CREG2: variants seen among roughly 807,000 people sequenced by gnomAD.
CREG2 encodes protein CREG2.
In CREG2, 24 loss-of-function variants were observed where a neutral mutation model predicts 26.2. The observed-to-expected ratio is 0.92, with a 90% CI of 0.66 to 1.29. CREG2 has a LOEUF of 1.29. Among genes scored for constraint, CREG2 ranks in the 50% most tolerant of loss-of-function variants. The pLI is 0.00. For synonymous variants in CREG2, 174 were observed against 169.2 expected, an observed-to-expected ratio of 1.03 and a Z score of -0.22; for missense variants, 366 against 398.6, an observed-to-expected ratio of 0.92 and a Z score of 0.70.
At chr2:101,371,919 G>A (rs149758470) in intron 2 of CREG2, among the ~76,000 whole-genome samples, 11 of 152,226 alleles carry the variant, frequency 7.2e-5, no homozygotes, top group African/African-American at 1.9e-4. Flanking sequence ...ACTCTAGTCC[G>A]TAGGACTAGA....
At chr2:101,367,793 T>TAGGAGGTGGGATGAGCAGC (rs1357428810) in intron 2 of CREG2, among the ~76,000 whole-genome samples, 3 of 152,180 alleles carry the variant, frequency 2.0e-5, no homozygotes, top group African/African-American at 4.8e-5. Context: ...AAGTGAGCAG[T>TAGGAGGTGGGATGAGCAGC]AGGAGGTGGG....
chr2:101,383,477 A>G (rs936439453), intron 2 of CREG2, 56 bp downstream of exon 2: 11 of 1,574,232 alleles, frequency 7.0e-6, no homozygotes, highest in African/African-American at 6.8e-5. Context: ...CCCACCCCCA[A>G]CTCTCTGTCA....
chr2:101,349,323 CAAAT>C lies in CREG2; in HGVS notation c.*1596_*1599del, dbSNP rs1307785810. On this transcript the variant is annotated 3_prime_UTR_variant, in exon 4 of 4. Transcript: ENST00000324768. ...AACTCTTTTGAGGACTGGCTTATGA[CAAAT>C]AAAGAATTCTCTGCATCTTACTATG... is the stretch of plus-strand genomic sequence containing the variant. The C allele has an allele frequency of 6.6e-6, 1 of 152,468 alleles. No homozygotes were observed. The highest frequency in any genetic ancestry group is 2.4e-5 in the African/African-American group (1 of 41,406). 9.4% of individuals were successfully genotyped at this position (152,468 alleles called of 1,614,324 possible). A position where few individuals can be genotyped will look rare whatever the true frequency, so the allele number is the denominator to read the frequency against.
chr2:101,369,909 A>G (rs1214662410), intron 2 of CREG2, among the ~76,000 whole-genome samples: 1 of 152,182 alleles, frequency 6.6e-6, no homozygotes, highest in Admixed American at 6.5e-5. Flanking sequence ...GAACAATTCA[A>G]ATCAACTTAA....
chr2:101,361,553 A>G (rs1223712678), intron 2 of CREG2, among the ~76,000 whole-genome samples: 1 of 152,212 alleles, frequency 6.6e-6, no homozygotes, highest in African/African-American at 2.4e-5. Flanking sequence ...AGGTCAGGAA[A>G]CAGACTCTGC....
In CREG2 at chr2:101,350,708, CGTGAAGTATCTGT is replaced by C. The variant is rs1334290953; in HGVS notation, c.*202_*214del. On this transcript the variant is annotated 3_prime_UTR_variant, in exon 4 of 4. Coordinates refer to ENST00000324768, the MANE Select transcript of CREG2 (RefSeq NM_153836.4). Reference sequence around the variant, plus strand: ...AATACAATGGAATAAAGACTATCTACGTGAAGTATCTGTGTGAGTTGGAGATCTGCAAATGACC... The same window carrying C: ...AATACAATGGAATAAAGACTATCTACGTGAGTTGGAGATCTGCAAATGACC... 1.9e-6 allele frequency: 1 copy of C among 539,310 alleles called. No homozygotes were observed. Among genetic ancestry groups the C allele is most frequent in the African/African-American group, 1.9e-5 (1 of 52,862 alleles). 33.4% of individuals were successfully genotyped at this position (539,310 alleles called of 1,614,324 possible). A position where few individuals can be genotyped will look rare whatever the true frequency, so the allele number is the denominator to read the frequency against.
At chr2:101,379,236 T>C (rs192491228) in intron 2 of CREG2, among the ~76,000 whole-genome samples, 1 of 152,310 alleles carries the variant, frequency 6.6e-6, no homozygotes, top group East Asian at 1.9e-4. Context: ...TTCAGGGAAC[T>C]GTGGATCAGG....
chr2:101,383,661 A>G lies in CREG2; in HGVS notation c.483T>C (p.Asp161=). 2 of 1,613,008 alleles carry G rather than the reference A, an allele frequency of 1.2e-6. No homozygotes were observed. The highest frequency in any genetic ancestry group is 1.7e-6 in the Non-Finnish European group (2 of 1,179,446). Residue 161 remains aspartate (D), a synonymous_variant, in exon 2 of 4, where the codon GAT becomes GAC. Coordinates refer to ENST00000324768, the MANE Select transcript of CREG2 (RefSeq NM_153836.4). ...TCCCAGTGCTATTGTTGAAGGGGCCATCACTGACGGGCAGGCAGTTCCCAA... is the reference window on the plus strand; with the variant it reads ...TCCCAGTGCTATTGTTGAAGGGGCCGTCACTGACGGGCAGGCAGTTCCCAA... The part of the protein sequence containing the change: ...LPFGNCLPVS[D]GPFNNSTGIP...
chr2:101,383,678 A>G lies in CREG2; in HGVS notation c.466T>C (p.Cys156Arg). 6.2e-7 allele frequency: 1 copy of G among 1,610,298 alleles called. No individual in the cohort carries two copies. Among genetic ancestry groups the G allele is most frequent in the South Asian group, 1.1e-5 (1 of 90,760 alleles). The change falls in exon 2 of 4, where the codon TGC (cysteine) becomes CGC (arginine). Residue 156 changes from cysteine (C) to arginine (R), a missense_variant. Physicochemically the swap from Cys to Arg is radical, Grantham distance 180 (BLOSUM62 -3). Around this residue, in one of 3 missense-constraint regions of CREG2, gnomAD observed 174 missense variants for 178.2 expected, o/e 0.98. Coordinates refer to ENST00000324768, the MANE Select transcript of CREG2 (RefSeq NM_153836.4). ...AAGGGGCCATCACTGACGGGCAGGC[A>G]GTTCCCAAATGGCAGTCCTTGGATC... ...KKIQGLPFGN[C>R]LPVSDGPFNN...
intron 2 of CREG2, among the ~76,000 whole-genome samples, chr2:101,368,967 A>G (rs1206402127): frequency 1.3e-5 from 2 of 152,230 alleles, no homozygotes; most frequent in East Asian, 1.9e-4. Context: ...ACTGAGAGCC[A>G]AAAGGCCACT....
At chr2:101,373,764 A>G (rs1229895605) in intron 2 of CREG2, among the ~76,000 whole-genome samples, 2 of 152,234 alleles carry the variant, frequency 1.3e-5, no homozygotes, top group African/African-American at 2.4e-5. Flanking sequence ...ACTATGATAT[A>G]TGACCTCGGA....
intron 3 of CREG2, among the ~76,000 whole-genome samples, chr2:101,352,023 A>G (rs1036275155): frequency 4.0e-5 from 6 of 148,552 alleles, no homozygotes; most frequent in Admixed American, 2.1e-4. Context: ...GTAGCGTGCC[A>G]CCATGCCTGG....
At chr2:101,362,336 T>G (rs1013263150) in intron 2 of CREG2, among the ~76,000 whole-genome samples, 1 of 152,180 alleles carries the variant, frequency 6.6e-6, no homozygotes, top group South Asian at 2.1e-4. Flanking sequence ...TCGTTGACAT[T>G]GTTTAGCCCC....
intron 2 of CREG2, among the ~76,000 whole-genome samples, chr2:101,377,626 T>C (rs1684812622): frequency 6.6e-6 from 1 of 152,098 alleles, no homozygotes; most frequent in South Asian, 2.1e-4. Flanking sequence ...GAGAGGGAAA[T>C]AAAGAGGAGA....
At chr2:101,379,335 G>T (rs1273044429) in intron 2 of CREG2, among the ~76,000 whole-genome samples, 1 of 152,158 alleles carries the variant, frequency 6.6e-6, no homozygotes, top group African/African-American at 2.4e-5. Context: ...AACTCTTTAA[G>T]GTCCCTAGAA....
chr2:101,380,962 C>T (rs1486799852), intron 2 of CREG2, among the ~76,000 whole-genome samples: 1 of 151,846 alleles, frequency 6.6e-6, no homozygotes, highest in East Asian at 1.9e-4. Context: ...AATGCTGTTG[C>T]AAGTTTTCCA....
intron 2 of CREG2, among the ~76,000 whole-genome samples, chr2:101,380,248 C>T (rs186177902): frequency 2.0e-5 from 3 of 152,352 alleles, no homozygotes; most frequent in Non-Finnish European, 4.4e-5. Flanking sequence ...ATTCCTCCCT[C>T]CCTAAGCCTG....
At chr2:101,357,078 G>A (rs946530592) in intron 2 of CREG2, among the ~76,000 whole-genome samples, 2 of 152,130 alleles carry the variant, frequency 1.3e-5, no homozygotes, top group Non-Finnish European at 2.9e-5. Context: ...TAGTAGAGAC[G>A]GGGTTTCACC....
chr2:101,356,941 G>A (rs1377319885), intron 2 of CREG2, among the ~76,000 whole-genome samples: 1 of 151,900 alleles, frequency 6.6e-6, no homozygotes, highest in African/African-American at 2.4e-5. Flanking sequence ...CCAGGCTGGA[G>A]TGCAATGGCG....
Sources: allele counts gnomAD v4.1 joint callset (sites outside exome capture counted in the v4.1 genomes callset), GRCh38; gene constraint gnomAD v4.1.1; regional missense constraint gnomAD v4.1.1; transcripts MANE v1.5; gene names NCBI Gene and HGNC (gene_info 2026-07-23, HGNC 2026-07-21).